The following SDK2 variants were observed in gnomAD, a reference collection of about 807,000 sequenced individuals.
SDK2 encodes the protein sidekick cell adhesion molecule 2.
A neutral mutation model predicts 253.9 loss-of-function variants in SDK2; 105 were observed. The observed-to-expected ratio is 0.41, with a 90% CI of 0.35 to 0.49. The LOEUF (loss-of-function observed/expected upper bound fraction) is 0.49. Ranked by LOEUF, SDK2 falls within the 20% of genes least tolerant of loss-of-function variation. SDK2 has a pLI of 0.06. For synonymous variants in SDK2, 1,249 were observed against 1,234.9 expected (o/e 1.01, Z -0.24); for missense variants, 2,608 against 3,003.0 (o/e 0.87, Z 3.07).
At chr17:73,606,799 C>T (rs1231875175) in intron 1 of SDK2, among the ~76,000 whole-genome samples, 5 of 152,112 alleles carry the variant, frequency 3.3e-5, no homozygotes, top group Non-Finnish European at 4.4e-5. Flanking sequence ...CTATTAGTCA[C>T]GGAAACATAT....
rs544677989 is a variant in SDK2, at chr17:73,521,855, T to C, written c.65-14258A>G. ...TGGGTTTTGTTAGGATTCAATGCCA[T>C]AGAACTGGAGAAAAACCCGGGGACA... On this transcript the variant is annotated intron_variant, in intron 1 of 44. Coordinates refer to ENST00000392650, the MANE Select transcript of SDK2 (RefSeq NM_001144952.2). 4.6e-5 allele frequency among the ~76,000 whole-genome samples: 7 copies of C among 152,120 alleles called. No homozygotes were observed. In the South Asian group the frequency reaches 1.5e-3, roughly 32 times the overall value.
intron 40 of SDK2, among the ~76,000 whole-genome samples, chr17:73,355,540 G>T (rs576826705): frequency 1.3e-5 from 2 of 152,122 alleles, no homozygotes; most frequent in South Asian, 4.2e-4. Flanking sequence ...CAGAGATGGG[G>T]TTTCACCATA....
At chr17:73,413,781 A>C (rs144830472) in intron 18 of SDK2, among the ~76,000 whole-genome samples, 107 of 152,342 alleles carry the variant, frequency 7.0e-4, no homozygotes, top group African/African-American at 2.4e-3. Flanking sequence ...GTAGCTGCTC[A>C]ATAAATATTG....
chr17:73,412,385 A>G (rs572675021), intron 18 of SDK2, among the ~76,000 whole-genome samples: 1 of 150,274 alleles, frequency 6.7e-6, no homozygotes, highest in Admixed American at 6.7e-5. Flanking sequence ...TAATCCACCC[A>G]CCTCAGACTC....
chr17:73,475,630 TATGAG>T (rs2063681187), intron 2 of SDK2, among the ~76,000 whole-genome samples: 1 of 152,176 alleles, frequency 6.6e-6, no homozygotes, highest in African/African-American at 2.4e-5. Context: ...GAACACATGT[TATGAG>T]AGGAGGTAGG....
intron 2 of SDK2, among the ~76,000 whole-genome samples, chr17:73,485,200 G>A (rs1015462611): frequency 1.3e-5 from 2 of 152,116 alleles, no homozygotes; most frequent in African/African-American, 4.8e-5. Flanking sequence ...TGTGTATGTG[G>A]AGAGGTGGGA....
intron 1 of SDK2, chr17:73,518,457 C>T (rs1254164014): frequency 1.3e-5 from 2 of 152,250 alleles, no homozygotes; most frequent in Non-Finnish European, 2.9e-5. Flanking sequence ...TATTATTCCT[C>T]ATCTTGGCTT....
intron 44 of SDK2, among the ~76,000 whole-genome samples, chr17:73,340,734 GTTTTTTTTTTTTT>G (rs10638504): frequency 6.4e-5 from 5 of 77,550 alleles, no homozygotes; most frequent in Admixed American, 2.1e-4. Flanking sequence ...AAACCTTAAA[GTTTTTTTTTTTTT>G]TTTTTTTTTT....
In SDK2 at chr17:73,419,264, G is replaced by A. The variant is rs144488293; in HGVS notation, c.2088C>T (p.Asn696=). 70 of 1,612,912 alleles carry A rather than the reference G, an allele frequency of 4.3e-5. No homozygotes were observed. The highest frequency in any genetic ancestry group is 1.9e-4 in the African/African-American group (14 of 74,884). The change falls in exon 16 of 45, where the codon AAC becomes AAT. Residue 696 remains asparagine, a synonymous_variant. Coordinates refer to ENST00000392650, the MANE Select transcript of SDK2 (RefSeq NM_001144952.2). ...GGTTGGTTCGACCGCTGGCGATGAC[G>A]TTCTGTGGAGGGGCCGTGGGGGGCT... ...PEEPPTAPPQ[N]VIASGRTNQS...
chr17:73,349,759 G>A (rs1156957440), intron 43 of SDK2, among the ~76,000 whole-genome samples: 1 of 152,182 alleles, frequency 6.6e-6, no homozygotes, highest in Non-Finnish European at 1.5e-5. Flanking sequence ...CCCAAATGGG[G>A]AGGAAGACAG....
intron 5 of SDK2, among the ~76,000 whole-genome samples, chr17:73,442,165 C>T (rs2063421152): frequency 6.6e-6 from 1 of 152,240 alleles, no homozygotes; most frequent in African/African-American, 2.4e-5. Context: ...AGAGCTGGCT[C>T]TCTCTCCGCC....
chr17:73,643,957 T>TGCCCCCCCC lies in SDK2; in HGVS notation c.64+67_64+68insGGGGGGGGC. The TGCCCCCCCC allele has an allele frequency of 1.2e-5, 12 of 1,019,984 alleles. No individual in the cohort carries two copies. The highest frequency in any genetic ancestry group is 2.1e-5 in the Admixed American group (1 of 48,756). The allele number at this position is 1,019,984 out of a possible 1,614,324, so 63.2% of individuals were successfully genotyped here. On this transcript the variant is annotated intron_variant, in intron 1 of 44. Coordinates refer to ENST00000392650, the MANE Select transcript of SDK2 (RefSeq NM_001144952.2). This position sits in a 1 kb window ranked among gnomAD's most constrained non-coding sequence, Gnocchi z 6.9. The stretch of plus-strand genomic sequence containing the variant: ...GGAGGTCACCGTGAGGCCGGCCAGC[T>TGCCCCCCCC]CCCGCCGCCCCTCCCCCGCCCACTC...
intron 3 of SDK2, among the ~76,000 whole-genome samples, chr17:73,458,938 A>T (rs2063546773): frequency 6.6e-6 from 1 of 152,146 alleles, no homozygotes; most frequent in South Asian, 2.1e-4. Context: ...TGGGAGGCGG[A>T]GGTTGCGGTG....
At chr17:73,560,323 C>T (rs1258529497) in intron 1 of SDK2, among the ~76,000 whole-genome samples, 14 of 152,100 alleles carry the variant, frequency 9.2e-5, no homozygotes, top group Admixed American at 7.9e-4. Flanking sequence ...GACCGTGCCT[C>T]GCATTAACCC....
In SDK2 at chr17:73,639,861, T is replaced by A. The variant is rs1483983443; in HGVS notation, c.64+4164A>T. Among the ~76,000 whole-genome samples the A allele has an allele frequency of 1.3e-5, 2 of 152,074 alleles. No homozygotes were observed. Among genetic ancestry groups the A allele is most frequent in the Non-Finnish European group, 2.9e-5 (2 of 68,018 alleles). The stretch of plus-strand genomic sequence containing the variant: ...GTGTTGAGCAGTAGTGAGTCCTCCA[T>A]CATCAAGGGTATGCAAGCAGAGACC... On this transcript the variant is annotated intron_variant, in intron 1 of 44. Transcript: ENST00000392650. The surrounding 1 kb of genome is among the most constrained non-coding windows in gnomAD (Gnocchi z 4.3).
At chr17:73,531,338 T>C (rs973405646) in intron 1 of SDK2, among the ~76,000 whole-genome samples, 1 of 152,332 alleles carries the variant, frequency 6.6e-6, no homozygotes, top group Admixed American at 6.5e-5. Context: ...GTCTTGTTTG[T>C]ACAGTCATCC....
Position 73,609,414 on chromosome 17 carries a change from G to A in SDK2, c.64+34611C>T, listed in dbSNP as rs182146540. Among the ~76,000 whole-genome samples, 1 of 152,268 alleles carries A rather than the reference G, an allele frequency of 6.6e-6. No homozygotes were observed. On this transcript the variant is annotated intron_variant, in intron 1 of 44. Coordinates refer to ENST00000392650, the MANE Select transcript of SDK2 (RefSeq NM_001144952.2). This position sits in a 1 kb window ranked among gnomAD's most constrained non-coding sequence, Gnocchi z 4.4. ...TGAGAGCCAGCCAAGAGAAGACCAC[G>A]ATGGACCTAGTCGCAGGGCTGAGAA... is the stretch of plus-strand genomic sequence containing the variant.
At chr17:73,592,205 G>A (rs1189029878) in intron 1 of SDK2, among the ~76,000 whole-genome samples, 1 of 152,232 alleles carries the variant, frequency 6.6e-6, no homozygotes, top group Admixed American at 6.5e-5. Flanking sequence ...ATGGGCTGCA[G>A]GCCACAGCCA....
chr17:73,455,422 C>A lies in SDK2; in HGVS notation c.479+484G>T, dbSNP rs2063518747. 6.6e-6 allele frequency among the ~76,000 whole-genome samples: 1 copy of A among 152,208 alleles called. No individual in the cohort carries two copies. Among genetic ancestry groups the A allele is most frequent in the Non-Finnish European group, 1.5e-5 (1 of 67,994 alleles). On this transcript the variant is annotated intron_variant, in intron 4 of 44. Transcript: ENST00000392650. The surrounding 1 kb of genome is among the most constrained non-coding windows in gnomAD (Gnocchi z 5.0). ...GGCCTGTGTGTTTCTCTGCCCAGGG[C>A]TTCCCTGGCCACACCTCCGCCGCAC...
Sources: gnomAD v4.1 joint callset for allele counts (sites outside exome capture counted in the v4.1 genomes callset) on GRCh38, gnomAD v4.1.1 for gene constraint, Gnocchi (gnomAD v3.1) non-coding constraint, MANE v1.5 for transcripts, NCBI Gene and HGNC (gene_info 2026-07-23, HGNC 2026-07-21) for gene names.